The following GPC5 variants were observed in gnomAD, a reference collection of about 807,000 sequenced individuals.
The protein encoded by GPC5 is glypican 5, also known as glypican-5.
In GPC5, 47 loss-of-function variants were observed where a neutral mutation model predicts 53.9. The observed-to-expected ratio is 0.87, with a 90% CI of 0.69 to 1.11. The LOEUF (loss-of-function observed/expected upper bound fraction) is 1.11, where lower values mean the gene tolerates loss of function less well. Ranked by LOEUF, GPC5 falls within the 50% of genes most tolerant of loss-of-function variation. The pLI, the probability that GPC5 is intolerant of heterozygous loss-of-function variation, is 0.00. For synonymous variants in GPC5, 286 were observed against 263.3 expected, an observed-to-expected ratio of 1.09 and a Z score of -0.84; for missense variants, 748 against 713.1, an observed-to-expected ratio of 1.05 and a Z score of -0.56.
rs1199389826 is a variant in GPC5 at position 92,159,182 on chromosome 13, C to G, written c.1561+14193C>G. ...CTCAACTCCCTATAAATTACATTTC[C>G]CTGATTCTCCTTCCAGGTATTATAC... is the stretch of plus-strand genomic sequence containing the variant. On this transcript the variant is annotated intron_variant, in intron 7 of 7. Coordinates refer to ENST00000377067, the MANE Select transcript of GPC5 (RefSeq NM_004466.6). Among the ~76,000 whole-genome samples, 3 of 152,180 alleles carry G rather than the reference C, an allele frequency of 2.0e-5. No homozygotes were observed. The East Asian group carries it at 5.8e-4, about 29-fold the overall frequency.
chr13:91,415,843 CAAG>C (rs1878181856), intron 1 of GPC5, among the ~76,000 whole-genome samples: 1 of 152,084 alleles, frequency 6.6e-6, no homozygotes, highest in South Asian at 2.1e-4. Context: ...CATGTCTCTC[CAAG>C]AAGGTGATAT....
At chr13:92,172,219 G>C (rs1042298005) in intron 7 of GPC5, among the ~76,000 whole-genome samples, 1 of 152,174 alleles carries the variant, frequency 6.6e-6, no homozygotes, top group African/African-American at 2.4e-5. Context: ...AAAATTGAGA[G>C]TGTATTTGGA....
At chr13:92,136,825 A>T (rs1369086278) in intron 6 of GPC5, among the ~76,000 whole-genome samples, 1 of 152,236 alleles carries the variant, frequency 6.6e-6, no homozygotes, top group Non-Finnish European at 1.5e-5. Flanking sequence ...GACAGTTAGT[A>T]AAAAGCAAAC....
intron 7 of GPC5, chr13:92,484,629 C>CAT (rs1879485830): frequency 6.6e-6 from 1 of 152,122 alleles, no homozygotes; most frequent in South Asian, 2.1e-4. Context: ...TTATGCAGCA[C>CAT]ATATATAATA....
intron 1 of GPC5, among the ~76,000 whole-genome samples, chr13:91,437,052 C>G (rs1023366237): frequency 6.6e-6 from 1 of 152,098 alleles, no homozygotes; most frequent in Non-Finnish European, 1.5e-5. Flanking sequence ...AGATCTTGCT[C>G]CATCCCTTTA....
chr13:91,449,165 A>G (rs1044502521), intron 2 of GPC5, among the ~76,000 whole-genome samples: 1 of 152,114 alleles, frequency 6.6e-6, no homozygotes, highest in Non-Finnish European at 1.5e-5. Context: ...ATCGTTGGAA[A>G]TATATACTGC....
At chr13:92,299,760 T>A (rs926977642) in intron 7 of GPC5, among the ~76,000 whole-genome samples, 5 of 152,196 alleles carry the variant, frequency 3.3e-5, no homozygotes, top group Non-Finnish European at 7.3e-5. Context: ...ACATTTAACT[T>A]ACTAAGAAGT....
At chr13:91,796,181 C>G (rs193053645) in intron 5 of GPC5, among the ~76,000 whole-genome samples, 1 of 152,088 alleles carries the variant, frequency 6.6e-6, no homozygotes, top group Non-Finnish European at 1.5e-5. Context: ...GGAAAGGAAC[C>G]GTGGAACCCA....
chr13:92,555,578 C>T (rs889815772), intron 7 of GPC5, among the ~76,000 whole-genome samples: 80 of 150,408 alleles, frequency 5.3e-4, no homozygotes, highest in African/African-American at 1.9e-3. Flanking sequence ...AAAATGTCCT[C>T]TGTTTATACA....
intron 7 of GPC5, among the ~76,000 whole-genome samples, chr13:92,214,195 A>T (rs1368989959): frequency 1.3e-5 from 2 of 151,994 alleles, no homozygotes; most frequent in Admixed American, 6.6e-5. Context: ...TCAAGTATAA[A>T]TTTTTTTCTA....
At chr13:91,433,299 A>C (rs1174967483) in intron 1 of GPC5, among the ~76,000 whole-genome samples, 1 of 151,422 alleles carries the variant, frequency 6.6e-6, no homozygotes, top group Non-Finnish European at 1.5e-5. Flanking sequence ...TGCTGCACCC[A>C]GTAACTCGTC....
intron 6 of GPC5, among the ~76,000 whole-genome samples, chr13:92,040,081 A>G (rs2040930027): frequency 6.6e-6 from 1 of 152,204 alleles, no homozygotes; most frequent in East Asian, 1.9e-4. Context: ...GTTGGTGGAG[A>G]GTAATTAAAA....
intron 7 of GPC5, chr13:92,705,947 G>A (rs899085560): frequency 1.3e-5 from 2 of 151,740 alleles, no homozygotes; most frequent in Non-Finnish European, 2.9e-5. Flanking sequence ...AAATTGCTTG[G>A]TGTTGTGGCA....
intron 2 of GPC5, among the ~76,000 whole-genome samples, chr13:91,674,959 C>A (rs931281264): frequency 1.3e-5 from 2 of 151,710 alleles, no homozygotes; most frequent in Admixed American, 6.6e-5. Context: ...AATTTCTAAC[C>A]CTTATTTCCC....
chr13:92,825,988 T>G (rs572874139), intron 7 of GPC5, among the ~76,000 whole-genome samples: 1 of 152,220 alleles, frequency 6.6e-6, no homozygotes, highest in Non-Finnish European at 1.5e-5. Flanking sequence ...GGACTTAGAG[T>G]GCTTCCAGCA....
chr13:92,373,641 C>T (rs1376602192), intron 7 of GPC5, among the ~76,000 whole-genome samples: 1 of 152,146 alleles, frequency 6.6e-6, no homozygotes, highest in Non-Finnish European at 1.5e-5. Flanking sequence ...ATTCATATCC[C>T]TGATAATATT....
At chr13:91,671,127 T>C (rs1011959140) in intron 2 of GPC5, among the ~76,000 whole-genome samples, 3 of 152,226 alleles carry the variant, frequency 2.0e-5, no homozygotes, top group Non-Finnish European at 4.4e-5. Context: ...ATTAAATTGA[T>C]TAACATGAGT....
intron 2 of GPC5, among the ~76,000 whole-genome samples, chr13:91,516,768 A>T (rs1308789746): frequency 3.9e-5 from 6 of 152,120 alleles, no homozygotes; most frequent in African/African-American, 1.4e-4. Flanking sequence ...GCAAACTTTT[A>T]TCTAGGCAGC....
intron 7 of GPC5, among the ~76,000 whole-genome samples, chr13:92,609,683 A>G (rs1884371314): frequency 6.6e-6 from 1 of 152,162 alleles, no homozygotes; most frequent in Admixed American, 6.6e-5. Context: ...GCTTTTAAGT[A>G]AGAAAAACAT....
Sources: gnomAD v4.1 joint callset for allele counts (sites outside exome capture counted in the v4.1 genomes callset) on GRCh38, gnomAD v4.1.1 for gene constraint, MANE v1.5 for transcripts, NCBI Gene and HGNC (gene_info 2026-07-23, HGNC 2026-07-21) for gene names.